The following RBFOX1 variants were observed in gnomAD, a reference collection of about 807,000 sequenced individuals.
RBFOX1 encodes RNA binding fox-1 homolog 1, also known as RNA binding protein fox-1 homolog 1.
Under a neutral mutation model 57.7 loss-of-function variants are expected in RBFOX1, and 8 were observed. The observed-to-expected ratio is 0.14, with a 90% CI of 0.08 to 0.25. The LOEUF (loss-of-function observed/expected upper bound fraction) is 0.25. Among genes scored for constraint, RBFOX1 ranks in the 10% least tolerant of loss-of-function variants. The pLI, the probability that RBFOX1 is intolerant of heterozygous loss-of-function variation, is 1.00. For synonymous variants in RBFOX1, 326 were observed against 222.4 expected (o/e 1.47, Z -4.15); for missense variants, 611 against 548.5 (o/e 1.11, Z -1.14).
intron 3 of RBFOX1, among the ~76,000 whole-genome samples, chr16:6,770,052 A>G (rs2078036268): frequency 6.6e-6 from 1 of 152,206 alleles, no homozygotes; most frequent in Non-Finnish European, 1.5e-5. Flanking sequence ...TAATGAGGAA[A>G]GAAATTAGAA....
intron 1 of RBFOX1, among the ~76,000 whole-genome samples, chr16:5,306,061 C>A (rs1277466554): frequency 6.9e-6 from 1 of 143,934 alleles, no homozygotes; most frequent in Non-Finnish European, 1.6e-5. Flanking sequence ...AGCAACTAGG[C>A]ATGGTGGAGT....
chr16:7,529,384 C>A (rs1453522410), intron 5 of RBFOX1, among the ~76,000 whole-genome samples: 2 of 152,326 alleles, frequency 1.3e-5, no homozygotes, highest in Admixed American at 6.5e-5. Context: ...TTAGTTTTCT[C>A]CATTAAGGTA....
chr16:7,669,270 G>A (rs1206298624), intron 13 of RBFOX1, among the ~76,000 whole-genome samples: 4 of 149,712 alleles, frequency 2.7e-5, no homozygotes, highest in African/African-American at 5.1e-5. Context: ...TTGCTTAACT[G>A]AACCAAGACA....
At chr16:7,513,981 C>G (rs750237166) in intron 4 of RBFOX1, among the ~76,000 whole-genome samples, 1 of 152,166 alleles carries the variant, frequency 6.6e-6, no homozygotes, top group South Asian at 2.1e-4. Context: ...AGTATACAGG[C>G]CCTTTCTCTC....
At chr16:6,838,011 T>TCC (rs1207034214) in intron 3 of RBFOX1, among the ~76,000 whole-genome samples, 5 of 128,540 alleles carry the variant, frequency 3.9e-5, no homozygotes, top group South Asian at 4.7e-4. Flanking sequence ...ACCACCCCTT[T>TCC]TTTTTTTTTT....
intron 4 of RBFOX1, among the ~76,000 whole-genome samples, chr16:7,336,031 G>A (rs746700229): frequency 8.5e-5 from 13 of 152,170 alleles, no homozygotes; most frequent in Non-Finnish European, 1.3e-4. Context: ...TAGAGATCCC[G>A]ATGTTGATAT....
intron 3 of RBFOX1, among the ~76,000 whole-genome samples, chr16:6,908,671 A>G (rs942621604): frequency 1.3e-5 from 2 of 152,084 alleles, no homozygotes; most frequent in African/African-American, 2.4e-5. Flanking sequence ...CTAATTATCC[A>G]TGCAGGGTCC....
At chr16:6,466,732 G>C (rs915767360) in intron 2 of RBFOX1, among the ~76,000 whole-genome samples, 13 of 152,214 alleles carry the variant, frequency 8.5e-5, no homozygotes, top group African/African-American at 3.1e-4. Context: ...ACTAGGCGAG[G>C]CTCTCTTAGT....
At chr16:7,666,085 T>C (rs1190136434) in intron 13 of RBFOX1, among the ~76,000 whole-genome samples, 1 of 152,236 alleles carries the variant, frequency 6.6e-6, no homozygotes, top group Non-Finnish European at 1.5e-5. Context: ...TTTGTGGAAC[T>C]TAAGCTTTTC....
chr16:5,500,648 C>T (rs963393855), intron 2 of RBFOX1, among the ~76,000 whole-genome samples: 5 of 152,140 alleles, frequency 3.3e-5, no homozygotes, highest in Non-Finnish European at 7.4e-5. Flanking sequence ...CCAGACACAC[C>T]ATCCTCAGCC....
At chr16:7,332,719 G>C in intron 4 of RBFOX1, 14 of 1,219,510 alleles carry the variant, frequency 1.1e-5, no homozygotes, top group Non-Finnish European at 1.5e-5. Flanking sequence ...TATTTGGTTA[G>C]TCATGTTAGG....
chr16:6,269,421 T>G (rs1339425687), intron 1 of RBFOX1, among the ~76,000 whole-genome samples: 2 of 151,940 alleles, frequency 1.3e-5, no homozygotes, highest in Non-Finnish European at 1.5e-5. Context: ...CTGAAGGAAA[T>G]CCACACCAAG....
intron 9 of RBFOX1, among the ~76,000 whole-genome samples, chr16:7,605,742 T>C (rs1420417305): frequency 1.3e-5 from 2 of 152,174 alleles, no homozygotes; most frequent in Non-Finnish European, 2.9e-5. Flanking sequence ...ATCATTGCCT[T>C]CTCTCAAAAA....
chr16:7,455,298 G>A (rs978639604), intron 4 of RBFOX1, among the ~76,000 whole-genome samples: 1 of 152,046 alleles, frequency 6.6e-6, no homozygotes, highest in Non-Finnish European at 1.5e-5. Flanking sequence ...CCTATATTGA[G>A]AAGTTTCACG....
At chr16:7,433,580 A>C (rs1034167064) in intron 4 of RBFOX1, among the ~76,000 whole-genome samples, 2 of 152,246 alleles carry the variant, frequency 1.3e-5, no homozygotes, top group Non-Finnish European at 2.9e-5. Flanking sequence ...TAAGGGGTTC[A>C]TGTCACACAG....
At chr16:5,857,551 C>T (rs1490194067) in intron 3 of RBFOX1, among the ~76,000 whole-genome samples, 3 of 152,172 alleles carry the variant, frequency 2.0e-5, no homozygotes, top group Non-Finnish European at 1.5e-5. Flanking sequence ...CCTCCCACCT[C>T]TGGCTGTGAC....
intron 4 of RBFOX1, among the ~76,000 whole-genome samples, chr16:5,879,709 C>T (rs574992664): frequency 7.2e-5 from 11 of 152,268 alleles, no homozygotes; most frequent in African/African-American, 2.6e-4. Context: ...ATCTCAATGG[C>T]CTACCCAAAG....
In RBFOX1 at chr16:6,648,926, CAT is replaced by C. The variant is rs769531529; in HGVS notation, c.-63-5673_-63-5672del. Reference sequence around the variant, plus strand: ...TGGAATGGCTAAATAGAGCCAATATCATATACATTACCTCACAACGTCATTTT... The same window carrying C: ...TGGAATGGCTAAATAGAGCCAATATCATACATTACCTCACAACGTCATTTT... On this transcript the variant is annotated intron_variant, in intron 2 of 15. Coordinates refer to ENST00000550418, the MANE Select transcript of RBFOX1 (RefSeq NM_018723.4). 1.5e-4 allele frequency among the ~76,000 whole-genome samples: 23 copies of C among 152,136 alleles called. 1 individual carries two copies. The highest frequency in any genetic ancestry group is 3.2e-4 in the Non-Finnish European group (22 of 68,026).
intron 3 of RBFOX1, among the ~76,000 whole-genome samples, chr16:6,874,899 A>C (rs534306637): frequency 6.6e-6 from 1 of 152,294 alleles, no homozygotes; most frequent in Non-Finnish European, 1.5e-5. Flanking sequence ...GTTCCCACAA[A>C]ACTATTGAAA....
Sources: allele counts gnomAD v4.1 joint callset (sites outside exome capture counted in the v4.1 genomes callset), GRCh38; gene constraint gnomAD v4.1.1; transcripts MANE v1.5; gene names NCBI Gene and HGNC (gene_info 2026-07-23, HGNC 2026-07-21).